Variants in MUC12 observed in about 807,000 individuals in gnomAD.
MUC12 encodes mucin 12, cell surface associated.
In MUC12, 172 loss-of-function variants were observed where a neutral mutation model predicts 230.8. That is an observed-to-expected ratio of 0.75 (90% CI 0.66 to 0.85). MUC12 has a LOEUF of 0.85. MUC12 is among the 40% of genes least tolerant of loss of function. The probability of loss-of-function intolerance (pLI) is 0.00; values close to 1 mark genes in which losing one functional copy is unlikely to be tolerated. For missense variants in MUC12, 3,506 were observed against 5,920.6 expected, an observed-to-expected ratio of 0.59 and a Z score of 13.38; for synonymous variants, 1,259 against 2,401.9, an observed-to-expected ratio of 0.52 and a Z score of 13.91.
Position 100,993,431 on chromosome 7 carries a change from C to T in MUC12, c.2868C>T (p.Ser956=). The T allele has an allele frequency of 9.7e-7, 1 of 1,028,044 alleles. No individual in the cohort carries two copies. Among genetic ancestry groups the T allele is most frequent in the Non-Finnish European group, 1.3e-6 (1 of 762,044 alleles). The allele number at this position is 1,028,044 out of a possible 1,614,324, so 63.7% of individuals were successfully genotyped here. The stretch of plus-strand genomic sequence containing the variant: ...CACTCTTCCCTGACAGCACCACAAG[C>T]TCAGGCATCGTTGAAGCATCTACAC... ...HTTLFPDSTT[S]SGIVEASTRV... The change falls in exon 2 of 12, where the codon AGC becomes AGT. Residue 956 remains serine, a synonymous_variant. Coordinates refer to ENST00000536621, the MANE Select transcript of MUC12 (RefSeq NM_001164462.2).
chr7:101,004,678 A>T lies in MUC12; in HGVS notation c.14115A>T (p.Ser4705=). ...CCTTACCTGCCCATTTTACTACCTC[A>T]GGCCGCATTGCAGAATCTACCACCT... The part of the protein sequence containing the change: ...ITPLPAHFTT[S]GRIAESTTFY... Residue 4705 remains serine (S), a synonymous_variant, in exon 2 of 12, where the codon TCA becomes TCT. Transcript: ENST00000536621. The T allele has an allele frequency of 6.5e-7, 1 of 1,537,896 alleles. No individual in the cohort carries two copies. Among genetic ancestry groups the T allele is most frequent in the Non-Finnish European group, 8.7e-7 (1 of 1,147,052 alleles).
intron 1 of MUC12, among the ~76,000 whole-genome samples, chr7:100,971,234 G>T (rs1246322512): frequency 6.6e-6 from 1 of 152,274 alleles, no homozygotes; most frequent in South Asian, 2.1e-4. Context: ...AGAGGCTCAG[G>T]GGTCCTTGCT....
chr7:100,983,904 A>G (rs1222521055), intron 1 of MUC12, among the ~76,000 whole-genome samples: 1 of 152,200 alleles, frequency 6.6e-6, no homozygotes, highest in Admixed American at 6.5e-5. Context: ...AAGAAGAAGG[A>G]AAAAATGACA....
intron 1 of MUC12, among the ~76,000 whole-genome samples, chr7:100,973,781 G>T (rs1443967766): frequency 6.6e-6 from 1 of 152,150 alleles, no homozygotes; most frequent in African/African-American, 2.4e-5. Flanking sequence ...TCAGCTGGGT[G>T]TAGTGGTTCA....
Position 100,984,775 on chromosome 7 carries a change from T to C in MUC12, c.68-5856T>C, listed in dbSNP as rs138822307. On this transcript the variant is annotated intron_variant, in intron 1 of 11. Transcript: ENST00000536621. The stretch of plus-strand genomic sequence containing the variant: ...ATGAGCTGATTATGATACAGGGTTA[T>C]GTTAAAGATACTTTTTCTCTCTAAC... 3.9e-5 allele frequency among the ~76,000 whole-genome samples: 6 copies of C among 152,338 alleles called. No individual in the cohort carries two copies. In the East Asian group the frequency reaches 1.2e-3, roughly 29 times the overall value.
intron 9 of MUC12, chr7:101,015,147 T>A (rs1793896326): frequency 1.2e-5 from 2 of 164,640 alleles, no homozygotes; most frequent in East Asian, 3.5e-4. Flanking sequence ...GAAGCTTATG[T>A]GTGGAAATTA....
At position 100,994,276 on chromosome 7, in the gene MUC12, G is replaced by T; in HGVS notation, c.3713G>T (p.Gly1238Val). The T allele has an allele frequency of 1.1e-6, 1 of 913,468 alleles. No individual in the cohort carries two copies. Among genetic ancestry groups the T allele is most frequent in the Non-Finnish European group, 1.5e-6 (1 of 671,808 alleles). The allele number at this position is 913,468 out of a possible 1,614,324, so 56.6% of individuals were successfully genotyped here. The part of the protein sequence containing the change: ...LPATLTTADL[G>V]EESTTFPSSS... ...GCCACACTCACAACCGCAGACCTCG[G>T]TGAGGAATCAACTACCTTTCCCAGC... is the stretch of plus-strand genomic sequence containing the variant. Residue 1238 changes from glycine (G) to valine (V), a missense_variant, in exon 2 of 12, where the codon GGT (glycine) becomes GTT (valine). Transcript: ENST00000536621.
In MUC12 at chr7:100,990,913, C is replaced by A. The variant is rs779933341; in HGVS notation, c.350C>A (p.Ala117Asp). Residue 117 changes from alanine to aspartate, a missense_variant, in exon 2 of 12, where the codon GCC (alanine) becomes GAC (aspartate). Physicochemically the swap from Ala to Asp is moderately radical, Grantham distance 126. Transcript: ENST00000536621. ...CCTAAAACCTCACCCATCACTTCAG[C>A]CTCAATGGAAACAACAGCGTTACCT... Reference protein sequence around the residue: ...GEPKTSPITSASMETTALPGS... With the variant: ...GEPKTSPITSDSMETTALPGS... 1.3e-6 allele frequency: 2 copies of A among 1,537,714 alleles called. No homozygotes were observed. Among genetic ancestry groups the A allele is most frequent in the Non-Finnish European group, 1.7e-6 (2 of 1,147,050 alleles).
chr7:101,011,715 C>A (rs1793841907), intron 5 of MUC12, among the ~76,000 whole-genome samples: 1 of 152,232 alleles, frequency 6.6e-6, no homozygotes, highest in Non-Finnish European at 1.5e-5. Context: ...AGCCACCGCA[C>A]TTCCTGCCCT....
intron 1 of MUC12, among the ~76,000 whole-genome samples, chr7:100,982,343 C>A (rs1793121138): frequency 1.3e-5 from 2 of 152,200 alleles, no homozygotes; most frequent in Admixed American, 1.3e-4. Context: ...GGACCCCACA[C>A]ATGGTGTTCT....
chr7:100,970,087 T>C (rs1289457879), intron 1 of MUC12, among the ~76,000 whole-genome samples: 2 of 152,298 alleles, frequency 1.3e-5, no homozygotes, highest in Admixed American at 6.5e-5. Context: ...GCACTGCACA[T>C]GCTGCTAGCC....
intron 4 of MUC12, 110 bp from the exon 5 acceptor site, chr7:101,008,985 G>C: frequency 7.4e-7 from 1 of 1,359,626 alleles, no homozygotes; most frequent in Non-Finnish European, 1.0e-6. Context: ...TCCTCCTATG[G>C]GAGCTTACCT....
chr7:101,018,352 CCTCCCTTCT>C (rs1353211646), intron 11 of MUC12, among the ~76,000 whole-genome samples: 4 of 140,414 alleles, frequency 2.8e-5, no homozygotes, highest in Non-Finnish European at 6.3e-5. Context: ...CCTAGGACTC[CCTCCCTTCT>C]CCTGGGACTC....
intron 1 of MUC12, among the ~76,000 whole-genome samples, chr7:100,969,936 G>A (rs1199101379): frequency 3.3e-5 from 5 of 152,298 alleles, no homozygotes; most frequent in East Asian, 1.9e-4. Context: ...GCTGAGGGGC[G>A]GCTGAAATCC....
At position 101,004,451 on chromosome 7, in the gene MUC12, T is replaced by C. The variant is rs1793694246; in HGVS notation, c.13888T>C (p.Ser4630Pro). ...SSTASGRSEE[S>P]RTSHSSTTHT... ...CACAGCTTCAGGTCGTAGTGAAGAATCAAGAACTTCCCACAGCAGCACAAC... is the reference window on the plus strand; with the variant it reads ...CACAGCTTCAGGTCGTAGTGAAGAACCAAGAACTTCCCACAGCAGCACAAC... The change falls in exon 2 of 12, where the codon TCA becomes CCA. Residue 4630 changes from serine (S) to proline (P), a missense_variant. Coordinates refer to ENST00000536621, the MANE Select transcript of MUC12 (RefSeq NM_001164462.2). 1 of 1,525,370 alleles carries C rather than the reference T, an allele frequency of 6.6e-7. No individual in the cohort carries two copies. The allele number at this position is 1,525,370 out of a possible 1,614,324, so 94.5% of individuals were successfully genotyped here.
chr7:101,006,411 G>T, intron 2 of MUC12, 60 bp from the exon 3 acceptor site: 1 of 1,115,036 alleles, frequency 9.0e-7, no homozygotes, highest in South Asian at 1.3e-5. Context: ...TGGAATGGGA[G>T]TGCGTGTTTT....
intron 1 of MUC12, chr7:100,973,109 T>C: frequency 1.5e-6 from 1 of 682,252 alleles, no homozygotes; most frequent in Non-Finnish European, 2.7e-6. Context: ...CAGGAACCTC[T>C]GTGGGCTGAG....
chr7:100,984,705 A>G (rs1473100286), intron 1 of MUC12, among the ~76,000 whole-genome samples: 1 of 152,086 alleles, frequency 6.6e-6, no homozygotes, highest in Non-Finnish European at 1.5e-5. Flanking sequence ...CCATCTCATA[A>G]TCTTAAGTCC....
intron 1 of MUC12, among the ~76,000 whole-genome samples, chr7:100,970,544 A>G (rs1792855454): frequency 6.6e-6 from 1 of 151,920 alleles, no homozygotes; most frequent in South Asian, 2.1e-4. Flanking sequence ...AAGGAAAGAA[A>G]AAAAAGAAAG....
Sources: allele counts gnomAD v4.1 joint callset (sites outside exome capture counted in the v4.1 genomes callset), GRCh38; gene constraint gnomAD v4.1.1; transcripts MANE v1.5; gene names NCBI Gene and HGNC (gene_info 2026-07-23, HGNC 2026-07-21).